The following ARHGAP6 variants were observed in gnomAD, a reference collection of about 807,000 sequenced individuals.
The protein encoded by ARHGAP6 is Rho GTPase activating protein 6.
ARHGAP6 carries 16 observed loss-of-function variants against 55.7 expected under a neutral mutation model. The ratio of observed to expected loss-of-function variants is 0.29; its 90% confidence interval spans 0.19 to 0.44. The LOEUF (loss-of-function observed/expected upper bound fraction) is 0.44, where lower values mean the gene tolerates loss of function less well. ARHGAP6 is among the 20% of genes least tolerant of loss of function. The pLI is 1.00. For missense variants in ARHGAP6, 698 were observed against 808.9 expected (o/e 0.86, Z 1.66); for synonymous variants, 382 against 360.9 (o/e 1.06, Z -0.66).
intron 1 of ARHGAP6, among the ~76,000 whole-genome samples, chrX:11,323,473 T>G (rs1432858054): frequency 3.6e-5 from 4 of 112,001 alleles, no homozygotes; most frequent in Non-Finnish European, 7.5e-5. Flanking sequence ...TGGTGAAGAT[T>G]GGGTGGAAGA....
chrX:11,510,568 A>G (rs2050776214), intron 1 of ARHGAP6, among the ~76,000 whole-genome samples: 1 of 111,307 alleles, frequency 9.0e-6, no homozygotes, highest in South Asian at 3.8e-4. Flanking sequence ...ATACACAAGG[A>G]TAAAAGTTAT....
At chrX:11,615,624 T>A (rs181536022) in intron 1 of ARHGAP6, among the ~76,000 whole-genome samples, 16 of 111,962 alleles carry the variant, frequency 1.4e-4, no homozygotes, top group Non-Finnish European at 1.1e-4. Context: ...ACCTAAAACA[T>A]CTTGTCTACA....
At chrX:11,362,136 C>A (rs974239043) in intron 1 of ARHGAP6, among the ~76,000 whole-genome samples, 1 of 111,592 alleles carries the variant, frequency 9.0e-6, no homozygotes, top group Admixed American at 9.5e-5. Flanking sequence ...ACCATTTGAC[C>A]CAGCCATCCC....
intron 1 of ARHGAP6, among the ~76,000 whole-genome samples, chrX:11,491,134 G>C (rs2050562580): frequency 8.9e-6 from 1 of 112,236 alleles, no homozygotes; most frequent in South Asian, 3.7e-4. Flanking sequence ...GCAATTTGCA[G>C]TGTATCATTT....
chrX:11,303,448 C>T (rs1277127295), intron 1 of ARHGAP6, among the ~76,000 whole-genome samples: 2 of 111,745 alleles, frequency 1.8e-5, no homozygotes, highest in African/African-American at 3.3e-5. Flanking sequence ...AAGGAGTGGT[C>T]ATTTGGGTTC....
chrX:11,204,989 A>G, intron 2 of ARHGAP6, among the ~76,000 whole-genome samples: 1 of 111,183 alleles, frequency 9.0e-6, no homozygotes. Flanking sequence ...AGAAAGTAGC[A>G]GTTGCCAATA....
rs750980800 is a variant in ARHGAP6, at chrX:11,440,648, T to C, written c.589-185941A>G. ...GTTCGTACCTCTGTTAGGATGCTCA[T>C]CTTGTCTGTTTCCTCCTGAAACACT... On this transcript the variant is annotated intron_variant, in intron 1 of 12. Coordinates refer to ENST00000337414, the MANE Select transcript of ARHGAP6 (RefSeq NM_013427.3). 2.5e-4 allele frequency among the ~76,000 whole-genome samples: 28 copies of C among 112,172 alleles called. 1 individual carries two copies. Among genetic ancestry groups the C allele is most frequent in the African/African-American group, 8.7e-4 (27 of 30,904 alleles).
At chrX:11,282,357 C>T (rs2047867446) in intron 1 of ARHGAP6, among the ~76,000 whole-genome samples, 1 of 111,422 alleles carries the variant, frequency 9.0e-6, no homozygotes, top group Non-Finnish European at 1.9e-5. Flanking sequence ...TTTTTTTTGG[C>T]CCATCATTAG....
rs1260290609 is a variant in ARHGAP6 at position 11,350,558 on chromosome X, C to A, written c.589-95851G>T. On this transcript the variant is annotated intron_variant, in intron 1 of 12. Coordinates refer to ENST00000337414, the MANE Select transcript of ARHGAP6 (RefSeq NM_013427.3). Reference sequence around the variant, plus strand: ...GTAGCTTAGAAATATCAAGAGACTGCCTAAGAACCCAGCAGGGTTTCATAT... The same window carrying A: ...GTAGCTTAGAAATATCAAGAGACTGACTAAGAACCCAGCAGGGTTTCATAT... Among the ~76,000 whole-genome samples, 9 of 111,843 alleles carry A rather than the reference C, an allele frequency of 8.0e-5. No homozygotes were observed. In the Admixed American group the frequency reaches 8.6e-4, roughly 11 times the overall value.
chrX:11,344,678 C>CAAAAAAAAAAAAAAAAAAAAAAAAAAA (rs34123570), intron 1 of ARHGAP6, among the ~76,000 whole-genome samples: 1 of 28,271 alleles, frequency 3.5e-5, no homozygotes, highest in African/African-American at 1.5e-4. Flanking sequence ...AACTCCATCA[C>CAAAAAAAAAAAAAAAAAAAAAAAAAAA]AAAAAAAAAA....
chrX:11,354,266 G>GCTCT (rs1182351194), intron 1 of ARHGAP6, among the ~76,000 whole-genome samples: 24 of 73,155 alleles, frequency 3.3e-4, no homozygotes, highest in African/African-American at 5.5e-4. Context: ...CATGGAAAGA[G>GCTCT]CTCTCTCTCT....
rs764970856 is a variant in ARHGAP6, at chrX:11,254,619, C to T, written c.677G>A (p.Arg226Gln). The T allele has an allele frequency of 5.0e-6, 6 of 1,208,904 alleles. No individual in the cohort carries two copies. The highest frequency in any genetic ancestry group is 2.2e-5 in the Admixed American group (1 of 45,514). The change falls in exon 2 of 13, where the codon CGG (arginine) becomes CAG (glutamine). Residue 226 changes from arginine to glutamine, a missense_variant. Physicochemically the swap from Arg to Gln is conservative, Grantham distance 43 (BLOSUM62 1). Transcript: ENST00000337414. Reference sequence around the variant, plus strand: ...CTGATAAAAAGCCACTTCCTGCAGCCGGGCCCTCTCCAGCTCTGAGAGACT... The same window carrying T: ...CTGATAAAAAGCCACTTCCTGCAGCTGGGCCCTCTCCAGCTCTGAGAGACT... ...IQSLSELERA[R>Q]LQEVAFYQLQ...
intron 1 of ARHGAP6, among the ~76,000 whole-genome samples, chrX:11,345,762 TGTAAGGAAATCTTA>T (rs1357346452): frequency 5.4e-5 from 6 of 111,290 alleles, no homozygotes; most frequent in Non-Finnish European, 1.1e-4. Context: ...TCAGCTAGGG[TGTAAGGAAATCTTA>T]GTAGTTGAAT....
intron 1 of ARHGAP6, among the ~76,000 whole-genome samples, chrX:11,301,534 T>C (rs895928924): frequency 1.8e-5 from 2 of 112,282 alleles, no homozygotes; most frequent in Non-Finnish European, 3.8e-5. Context: ...AGTACCTTTA[T>C]GATTAAGGCC....
chrX:11,568,080 T>C (rs1046205022), intron 1 of ARHGAP6, among the ~76,000 whole-genome samples: 2 of 111,321 alleles, frequency 1.8e-5, no homozygotes, highest in Middle Eastern at 4.6e-3. Context: ...CAGCCTTCCA[T>C]GCATAGAGTA....
At chrX:11,457,103 G>A (rs1292066126) in intron 1 of ARHGAP6, among the ~76,000 whole-genome samples, 1 of 111,715 alleles carries the variant, frequency 9.0e-6, no homozygotes, top group African/African-American at 3.3e-5. Context: ...CCACCATGGA[G>A]GTCCCCAAAA....
intron 1 of ARHGAP6, among the ~76,000 whole-genome samples, chrX:11,454,698 A>G (rs944303670): frequency 8.9e-6 from 1 of 112,260 alleles, no homozygotes; most frequent in African/African-American, 3.2e-5. Flanking sequence ...GTCCTGCTTG[A>G]AAATCCGTAA....
chrX:11,416,535 C>G (rs2049749667), intron 1 of ARHGAP6, among the ~76,000 whole-genome samples: 1 of 111,265 alleles, frequency 9.0e-6, no homozygotes, highest in South Asian at 3.9e-4. Context: ...TAAGGTTTCA[C>G]TCTTCAGCAA....
At chrX:11,478,671 T>G (rs1410344768) in intron 1 of ARHGAP6, among the ~76,000 whole-genome samples, 1 of 111,619 alleles carries the variant, frequency 9.0e-6, no homozygotes, top group African/African-American at 3.3e-5. Context: ...AATTGTGCCT[T>G]GCAAAGCATG....
Sources: gnomAD v4.1 joint callset for allele counts (sites outside exome capture counted in the v4.1 genomes callset) on GRCh38, gnomAD v4.1.1 for gene constraint, MANE v1.5 for transcripts, NCBI Gene and HGNC (gene_info 2026-07-23, HGNC 2026-07-21) for gene names.